The following CDKN2B-AS1 variants were observed in gnomAD, a reference collection of about 807,000 sequenced individuals.
CDKN2B-AS1 encodes the protein CDKN2B and CDKN2A antisense cis and trans regulatory RNA 1, also known as CDKN2B antisense RNA 1 (non-protein coding).
chr9:22,128,101 G>T (rs920483894), exon 5 of CDKN2B-AS1, among the ~76,000 whole-genome samples: 43 of 151,988 alleles, frequency 2.8e-4, no homozygotes, highest in African/African-American at 8.9e-4. Context: ...GCATTATATT[G>T]GATCAATATA....
chr9:22,115,853 G>T (rs138228691), intron 4 of CDKN2B-AS1, among the ~76,000 whole-genome samples: 47 of 152,222 alleles, frequency 3.1e-4, no homozygotes, highest in African/African-American at 1.1e-3. Flanking sequence ...GATATGTAAT[G>T]AATTAGGATG....
intron 1 of CDKN2B-AS1, among the ~76,000 whole-genome samples, chr9:22,045,475 C>A (rs1464627468): frequency 1.3e-5 from 2 of 151,968 alleles, no homozygotes; most frequent in East Asian, 3.9e-4. Context: ...CACAAGTATT[C>A]ATTATTAATG....
At chr9:22,010,129 A>C (rs1328752600) in intron 1 of CDKN2B-AS1, among the ~76,000 whole-genome samples, 1 of 152,198 alleles carries the variant, frequency 6.6e-6, no homozygotes, top group East Asian at 1.9e-4. Flanking sequence ...AAGGAAATTT[A>C]TGCAGTAATA....
chr9:22,040,100 C>A (rs1216937859), intron 1 of CDKN2B-AS1, among the ~76,000 whole-genome samples: 7 of 152,012 alleles, frequency 4.6e-5, no homozygotes, highest in African/African-American at 1.7e-4. Flanking sequence ...AACTGCTAAT[C>A]TCAGACGTCT....
At chr9:22,102,392 G>C (rs1258951414) in intron 4 of CDKN2B-AS1, among the ~76,000 whole-genome samples, 1 of 152,164 alleles carries the variant, frequency 6.6e-6, no homozygotes, top group Non-Finnish European at 1.5e-5. Context: ...TCACAAACTT[G>C]ATGGCTTTAT....
intron 3 of CDKN2B-AS1, among the ~76,000 whole-genome samples, chr9:22,054,140 A>T (rs1438110751): frequency 6.6e-6 from 1 of 152,176 alleles, no homozygotes; most frequent in Non-Finnish European, 1.5e-5. Context: ...TTTAATCCTC[A>T]CAACAATCCT....
Position 22,039,439 on chromosome 9 carries a change from C to T in CDKN2B-AS1, n.30-7312C>T, listed in dbSNP as rs935499581. Among the ~76,000 whole-genome samples, 1 of 151,958 alleles carries T rather than the reference C, an allele frequency of 6.6e-6. No homozygotes were observed. Among genetic ancestry groups the T allele is most frequent in the Non-Finnish European group, 1.5e-5 (1 of 67,950 alleles). Reference sequence around the variant, plus strand: ...TATAAATACTCGGCCCCTGTTTTAGCTGTGTCTTAATTGCGCAACATCTGT... The same window carrying T: ...TATAAATACTCGGCCCCTGTTTTAGTTGTGTCTTAATTGCGCAACATCTGT... On this transcript the variant is annotated intron_variant and non_coding_transcript_variant, in intron 1 of 4. Transcript: ENST00000650946. The surrounding 1 kb of genome is among the most constrained non-coding windows in gnomAD (Gnocchi z 4.4).
chr9:22,002,541 G>C (rs1394826905), intron 1 of CDKN2B-AS1, among the ~76,000 whole-genome samples: 3 of 151,778 alleles, frequency 2.0e-5, no homozygotes, highest in African/African-American at 7.2e-5. Flanking sequence ...TTTCAAAAAA[G>C]GGAGGGCAAT....
rs538021571 is a variant in CDKN2B-AS1 at position 22,013,166 on chromosome 9, A to T, written n.29+18005A>T. Among the ~76,000 whole-genome samples the T allele has an allele frequency of 1.1e-4, 16 of 152,174 alleles. No homozygotes were observed. In the East Asian group the frequency reaches 2.7e-3, roughly 26 times the overall value. ...CTTTTGAGGACACCAGTCAGATTGG[A>T]TTAGGGCCCACCCCAATGGCCTTAT... is the stretch of plus-strand genomic sequence containing the variant. On this transcript the variant is annotated intron_variant and non_coding_transcript_variant, in intron 1 of 4. Coordinates refer to ENST00000650946, the Ensembl canonical transcript of CDKN2B-AS1.
intron 1 of CDKN2B-AS1, chr9:22,004,800 T>C (rs972628299): frequency 3.9e-5 from 9 of 233,082 alleles, no homozygotes; most frequent in Non-Finnish European, 7.6e-5. Flanking sequence ...ATCTATCTTC[T>C]AAAAGACATT....
rs577743794 is a variant in CDKN2B-AS1, at chr9:22,005,893, G to A, written n.29+10732G>A. On this transcript the variant is annotated intron_variant and non_coding_transcript_variant, in intron 1 of 4. Coordinates refer to ENST00000650946, the Ensembl canonical transcript of CDKN2B-AS1. The surrounding 1 kb of genome is among the most constrained non-coding windows in gnomAD (Gnocchi z 4.9). ...CTTGCAGGCTTACAGGCTTTCCGCC[G>A]CTCCCCGTTGGCAGCCTTCATCGAA... is the stretch of plus-strand genomic sequence containing the variant. 26 of 1,508,710 alleles carry A rather than the reference G, an allele frequency of 1.7e-5. No individual in the cohort carries two copies. Among genetic ancestry groups the A allele is most frequent in the Admixed American group, 1.1e-4 (6 of 52,848 alleles). 93.5% of individuals were successfully genotyped at this position (1,508,710 alleles called of 1,614,324 possible). A position where few individuals can be genotyped will look rare whatever the true frequency, so the allele number is the denominator to read the frequency against.
At chr9:22,079,784 T>C (rs1266841712) in intron 4 of CDKN2B-AS1, among the ~76,000 whole-genome samples, 2 of 152,196 alleles carry the variant, frequency 1.3e-5, no homozygotes, top group Non-Finnish European at 2.9e-5. Flanking sequence ...CCCATGTCCC[T>C]TCTCCACCGG....
intron 1 of CDKN2B-AS1, among the ~76,000 whole-genome samples, chr9:22,026,622 C>G (rs1351245236): frequency 6.6e-6 from 1 of 152,224 alleles, no homozygotes; most frequent in East Asian, 1.9e-4. Flanking sequence ...TGTAGACCTT[C>G]TCTGCTGATC....
chr9:22,008,768 C>A, intron 1 of CDKN2B-AS1: 1 of 1,609,582 alleles, frequency 6.2e-7, no homozygotes, highest in Non-Finnish European at 8.5e-7. Flanking sequence ...CGCGCGCCCC[C>A]TGCCGGCGAG....
At chr9:22,063,339 A>G (rs73446314) in intron 4 of CDKN2B-AS1, among the ~76,000 whole-genome samples, 11,900 of 152,156 alleles carry the variant, frequency 0.078, 1,488 homozygotes, top group African/African-American at 0.27. Context: ...CTCTTGAGAC[A>G]CCAATTTTTT....
intron 4 of CDKN2B-AS1, among the ~76,000 whole-genome samples, chr9:22,107,062 G>T (rs1825678810): frequency 6.6e-6 from 1 of 152,238 alleles, no homozygotes; most frequent in Non-Finnish European, 1.5e-5. Flanking sequence ...GGGAAGTCTT[G>T]TGGTCAAATT....
At chr9:22,053,543 T>G (rs1342803814) in intron 3 of CDKN2B-AS1, among the ~76,000 whole-genome samples, 2 of 152,224 alleles carry the variant, frequency 1.3e-5, no homozygotes, top group South Asian at 2.1e-4. Flanking sequence ...CCTGACTATG[T>G]GTACCACTGA....
At chr9:22,091,329 T>C (rs1199554429) in intron 4 of CDKN2B-AS1, among the ~76,000 whole-genome samples, 1 of 152,188 alleles carries the variant, frequency 6.6e-6, no homozygotes, top group Non-Finnish European at 1.5e-5. Context: ...TGGTTCCATA[T>C]GAACTTTAAA....
chr9:22,025,535 T>C (rs1469051509), intron 1 of CDKN2B-AS1, among the ~76,000 whole-genome samples: 1 of 152,088 alleles, frequency 6.6e-6, no homozygotes, highest in Non-Finnish European at 1.5e-5. Context: ...GTTGAAGAGA[T>C]GTGGGAATGG....
Sources: allele counts gnomAD v4.1 joint callset (sites outside exome capture counted in the v4.1 genomes callset), GRCh38; gene constraint gnomAD v4.1.1; non-coding constraint Gnocchi (gnomAD v3.1); transcripts MANE v1.5; gene names NCBI Gene and HGNC (gene_info 2026-07-23, HGNC 2026-07-21).